Variants in CCPG1 observed in about 807,000 individuals in gnomAD.
The protein encoded by CCPG1 is cell cycle progression protein 1.
In CCPG1, 46 loss-of-function variants were observed where a neutral mutation model predicts 81.3. The ratio of observed to expected loss-of-function variants is 0.57; its 90% CI spans 0.45 to 0.72. CCPG1 has a LOEUF of 0.72. Ranked by LOEUF, CCPG1 falls within the 30% of genes least tolerant of loss-of-function variation. The pLI, the probability that CCPG1 is intolerant of heterozygous loss-of-function variation, is 0.00. For missense variants in CCPG1, 902 were observed against 937.6 expected, an observed-to-expected ratio of 0.96 and a Z score of 0.50; for synonymous variants, 330 against 305.2, an observed-to-expected ratio of 1.08 and a Z score of -0.85.
intron 2 of CCPG1, 76 bp downstream of exon 2, chr15:55,389,289 C>A: frequency 9.5e-7 from 1 of 1,055,936 alleles, no homozygotes; most frequent in Non-Finnish European, 1.4e-6. Flanking sequence ...AAAGACTGAT[C>A]TTCAAAGAAC....
Position 55,385,646 on chromosome 15 carries a change from T to C in CCPG1, c.129A>G (p.Ser43=), listed in dbSNP as rs761198349. Residue 43 remains serine, a synonymous_variant, in exon 3 of 9, where the codon TCA becomes TCG. Coordinates refer to ENST00000442196, the MANE Select transcript of CCPG1 (RefSeq NM_001204450.2). ...TDSCEPAPEC[S]SLEQEELQAL... is the part of the protein sequence containing the mutation. ...CTTGAAGCTCCTCTTGCTCTAAAGA[T>C]GAACATTCTGGGGCGGGCTCACAGC... 4.3e-6 allele frequency: 7 copies of C among 1,612,202 alleles called. No homozygotes were observed. The highest frequency in any genetic ancestry group is 5.9e-6 in the Non-Finnish European group (7 of 1,178,922).
At chr15:55,385,437 G>C (rs2056779846) in intron 3 of CCPG1, among the ~76,000 whole-genome samples, 163 bp downstream of exon 3, 1 of 152,108 alleles carries the variant, frequency 6.6e-6, no homozygotes, top group Non-Finnish European at 1.5e-5. Flanking sequence ...AGAATGCTGG[G>C]ATTACAGGTG....
chr15:55,384,948 T>C (rs1158840945), intron 3 of CCPG1, among the ~76,000 whole-genome samples: 1 of 152,204 alleles, frequency 6.6e-6, no homozygotes, highest in Non-Finnish European at 1.5e-5. Context: ...ACTTTAATAA[T>C]GACAAGTAAA....
intron 2 of CCPG1, 79 bp downstream of exon 2, chr15:55,389,286 G>T: frequency 2.0e-6 from 2 of 1,015,194 alleles, no homozygotes; most frequent in Non-Finnish European, 3.0e-6. Context: ...GAAAAAGACT[G>T]ATCTTCAAAG....
At chr15:55,401,847 C>T (rs2057135907) in intron 1 of CCPG1, among the ~76,000 whole-genome samples, 1 of 152,176 alleles carries the variant, frequency 6.6e-6, no homozygotes, top group Admixed American at 6.5e-5. Flanking sequence ...CTGAAAAACT[C>T]CCACTATCTG....
chr15:55,404,983 G>C (rs2057190059), intron 1 of CCPG1, among the ~76,000 whole-genome samples: 1 of 151,816 alleles, frequency 6.6e-6, no homozygotes. Context: ...CCAGCACTTT[G>C]GGAGGCCAAG....
chr15:55,374,055 A>T (rs2056507744), intron 5 of CCPG1: 1 of 562,160 alleles, frequency 1.8e-6, no homozygotes, highest in South Asian at 1.7e-5. Flanking sequence ...TGTTTAGAGT[A>T]TTGCGGATGA....
chr15:55,398,448 G>C (rs990695317), intron 1 of CCPG1, among the ~76,000 whole-genome samples: 1 of 152,108 alleles, frequency 6.6e-6, no homozygotes. Context: ...AGTCAGTCTG[G>C]AGTGCTTTCA....
rs762540325 is a variant in CCPG1, at chr15:55,371,919, G to A, written c.580C>T (p.Leu194=). ...TVSASESEDR[L]VAEQETEPSK... The stretch of plus-strand genomic sequence containing the variant: ...GGTTCAGTTTCTTGTTCAGCAACTA[G>A]CCGGTCTTCAGATTCTGAAGCAGAA... The change falls in exon 6 of 9, where the codon CTA becomes TTA. Residue 194 remains leucine, a synonymous_variant. Transcript: ENST00000442196. 9 of 1,614,166 alleles carry A rather than the reference G, an allele frequency of 5.6e-6. No individual in the cohort carries two copies. In the South Asian group the frequency reaches 9.9e-5, roughly 18 times the overall value.
chr15:55,401,296 C>T (rs2141347073), intron 1 of CCPG1, among the ~76,000 whole-genome samples: 1 of 152,348 alleles, frequency 6.6e-6, no homozygotes, highest in South Asian at 2.1e-4. Flanking sequence ...TCCTGAACCA[C>T]TACAACGCTG....
At position 55,360,626 on chromosome 15, in the gene CCPG1, T is replaced by C. The variant is rs776402337; in HGVS notation, c.1147A>G (p.Lys383Glu). Residue 383 changes from lysine to glutamate, a missense_variant, in exon 8 of 9, where the codon AAG becomes GAG. Lys to Glu is a moderately conservative substitution (Grantham distance 56). Around this residue, in one of 3 missense-constraint regions of CCPG1, gnomAD observed 746 missense variants for 728.6 expected, o/e 1.02. Coordinates refer to ENST00000442196, the MANE Select transcript of CCPG1 (RefSeq NM_001204450.2). ...ETLLTEAKML[K>E]RELERERLVT... ...AGTCGTTCTCTCTCCAGTTCTCTCT[T>C]TAGCATCTTTGCTTCTGTCAACAGA... is the stretch of plus-strand genomic sequence containing the variant. The C allele has an allele frequency of 1.9e-6, 3 of 1,614,206 alleles. No individual in the cohort carries two copies. The highest frequency in any genetic ancestry group is 2.5e-6 in the Non-Finnish European group (3 of 1,180,030).
intron 1 of CCPG1, among the ~76,000 whole-genome samples, chr15:55,389,833 A>C (rs1247472645): frequency 6.6e-6 from 1 of 152,242 alleles, no homozygotes; most frequent in African/African-American, 2.4e-5. Flanking sequence ...AGAAACTGAG[A>C]AGCACAGGGA....
chr15:55,365,277 C>G lies in CCPG1; in HGVS notation c.739G>C (p.Val247Leu). The change falls in exon 7 of 9, where the codon GTC (valine) becomes CTC (leucine). Residue 247 changes from valine to leucine, a missense_variant. Val to Leu is a conservative substitution (Grantham distance 32). This residue lies in a region of CCPG1 where 746 missense variants were observed against 728.6 expected (regional missense o/e 1.02). Transcript: ENST00000442196. ...AATTCATCTTCATGTATCTTTCTGA[C>G]TAACTGTTGACGCTTCTGAATCTGA... ...TIQIQKRQQL[V>L]RKIHEDELND... The G allele has an allele frequency of 6.4e-7, 1 of 1,552,270 alleles. No homozygotes were observed. The highest frequency in any genetic ancestry group is 8.8e-7 in the Non-Finnish European group (1 of 1,133,006).
intron 7 of CCPG1, among the ~76,000 whole-genome samples, chr15:55,362,003 A>C (rs1281752350): frequency 6.6e-6 from 1 of 152,180 alleles, no homozygotes; most frequent in Non-Finnish European, 1.5e-5. Flanking sequence ...CTGAAGATTA[A>C]TCTATAGATT....
At position 55,359,721 on chromosome 15, in the gene CCPG1, A is replaced by C; in HGVS notation, c.2052T>G (p.Phe684Leu). 6.2e-7 allele frequency: 1 copy of C among 1,613,696 alleles called. No homozygotes were observed. Among genetic ancestry groups the C allele is most frequent in the African/African-American group, 1.3e-5 (1 of 75,068 alleles). Residue 684 changes from phenylalanine to leucine, a missense_variant, in exon 8 of 9, where the codon TTT becomes TTG. Transcript: ENST00000442196. ...WNELDQFINKFFLNGVFIHDQ... is the reference protein window; with the variant it reads ...WNELDQFINKLFLNGVFIHDQ... Reference sequence around the variant, plus strand: ...CATGTATAAAGACACCGTTTAGGAAAAACTTATTGATGAACTGATCAAGTT... The same window carrying C: ...CATGTATAAAGACACCGTTTAGGAACAACTTATTGATGAACTGATCAAGTT...
At chr15:55,402,431 T>G (rs1397340657) in intron 1 of CCPG1, among the ~76,000 whole-genome samples, 1 of 152,180 alleles carries the variant, frequency 6.6e-6, no homozygotes, top group Non-Finnish European at 1.5e-5. Flanking sequence ...TTTCACCATG[T>G]TGGGCCAGAC....
chr15:55,380,621 G>C (rs1391172151), intron 3 of CCPG1, among the ~76,000 whole-genome samples: 2 of 151,786 alleles, frequency 1.3e-5, no homozygotes, highest in South Asian at 4.2e-4. Flanking sequence ...TGTAATTTAA[G>C]TCCTGCAAAG....
At chr15:55,404,523 T>G (rs934416747) in intron 1 of CCPG1, among the ~76,000 whole-genome samples, 2 of 152,162 alleles carry the variant, frequency 1.3e-5, no homozygotes, top group African/African-American at 4.8e-5. Flanking sequence ...TAAAACATGG[T>G]TCTGAACGTG....
At chr15:55,378,528 C>A (rs181862480) in intron 3 of CCPG1, 152 bp from the exon 4 acceptor site, 1 of 503,678 alleles carries the variant, frequency 2.0e-6, no homozygotes, top group Non-Finnish European at 3.5e-6. Context: ...ATAGAAGTCA[C>A]TCCACTGTTG....
Sources: gnomAD v4.1 joint callset for allele counts (sites outside exome capture counted in the v4.1 genomes callset) on GRCh38, gnomAD v4.1.1 for gene constraint, gnomAD v4.1.1 regional missense constraint, MANE v1.5 for transcripts, NCBI Gene and HGNC (gene_info 2026-07-23, HGNC 2026-07-21) for gene names.